SRPK2: variants seen among roughly 807,000 people sequenced by gnomAD.
SRPK2 encodes SFRS protein kinase 2.
In SRPK2, 21 loss-of-function variants were observed where a neutral mutation model predicts 90.8. That is an observed-to-expected ratio of 0.23 (90% CI 0.16 to 0.33). The LOEUF (loss-of-function observed/expected upper bound fraction) is 0.33, where lower values mean the gene tolerates loss of function less well. Among genes scored for constraint, SRPK2 ranks in the 10% least tolerant of loss-of-function variants. The pLI is 1.00. For synonymous variants in SRPK2, 288 were observed against 311.1 expected (o/e 0.93, Z 0.78); for missense variants, 620 against 869.0 (o/e 0.71, Z 3.60).
intron 2 of SRPK2, among the ~76,000 whole-genome samples, chr7:105,278,914 G>A (rs1806891653): frequency 6.6e-6 from 1 of 152,136 alleles, no homozygotes; most frequent in Non-Finnish European, 1.5e-5. Context: ...GTATGGAAAT[G>A]CACACCAAAA....
intron 7 of SRPK2, among the ~76,000 whole-genome samples, chr7:105,159,466 A>AACAAAAAAC (rs1554428677): frequency 2.6e-5 from 3 of 114,230 alleles, no homozygotes; most frequent in Non-Finnish European, 5.5e-5. Flanking sequence ...AAAAAAAAAA[A>AACAAAAAAC]AAAAAAACCG....
intron 2 of SRPK2, among the ~76,000 whole-genome samples, chr7:105,367,756 T>C (rs1032635045): frequency 6.6e-6 from 1 of 152,194 alleles, no homozygotes; most frequent in African/African-American, 2.4e-5. Context: ...TACACACACA[T>C]TTTGTGTACA....
chr7:105,370,265 TAC>T (rs1341929463), intron 2 of SRPK2, among the ~76,000 whole-genome samples: 2 of 152,202 alleles, frequency 1.3e-5, no homozygotes, highest in East Asian at 1.9e-4. Context: ...ATTCCTAGCT[TAC>T]AGTCTTTCCT....
At chr7:105,199,797 T>C (rs984470008) in intron 3 of SRPK2, among the ~76,000 whole-genome samples, 4 of 152,018 alleles carry the variant, frequency 2.6e-5, no homozygotes, top group African/African-American at 9.7e-5. Flanking sequence ...TGCATATGTT[T>C]GTGTTCCTAG....
chr7:105,236,200 G>A (rs896788312), intron 2 of SRPK2, among the ~76,000 whole-genome samples: 3 of 152,314 alleles, frequency 2.0e-5, no homozygotes, highest in African/African-American at 7.2e-5. Flanking sequence ...GCTAGACGCT[G>A]TTCATCATAC....
intron 2 of SRPK2, among the ~76,000 whole-genome samples, chr7:105,220,286 C>T (rs185166801): frequency 2.0e-3 from 309 of 152,090 alleles, no homozygotes; most frequent in Non-Finnish European, 3.4e-3. Flanking sequence ...CACCTGTAAC[C>T]GGGAGGCGGA....
At chr7:105,236,279 A>G (rs369996327) in intron 2 of SRPK2, among the ~76,000 whole-genome samples, 1 of 152,352 alleles carries the variant, frequency 6.6e-6, no homozygotes, top group South Asian at 2.1e-4. Context: ...GGTTTTTAAA[A>G]TATCACTGAC....
At chr7:105,151,740 G>T (rs2129579033) in intron 7 of SRPK2, among the ~76,000 whole-genome samples, 1 of 152,086 alleles carries the variant, frequency 6.6e-6, no homozygotes, top group East Asian at 1.9e-4. Context: ...AGTTCTCTGG[G>T]TTGGCTGGCA....
intron 13 of SRPK2, among the ~76,000 whole-genome samples, chr7:105,127,990 T>C (rs1801446057): frequency 6.6e-6 from 1 of 152,030 alleles, no homozygotes; most frequent in Admixed American, 6.5e-5. Flanking sequence ...AAGGAGCCAA[T>C]ACTGGGGAAA....
intron 3 of SRPK2, among the ~76,000 whole-genome samples, chr7:105,188,281 G>T (rs1310649644): frequency 1.1e-4 from 16 of 152,176 alleles, no homozygotes; most frequent in Admixed American, 1.0e-3. Flanking sequence ...ATATGAAAAT[G>T]TCCAGAATAG....
At chr7:105,381,786 G>A (rs1820980193) in intron 2 of SRPK2, among the ~76,000 whole-genome samples, 1 of 152,154 alleles carries the variant, frequency 6.6e-6, no homozygotes, top group East Asian at 1.9e-4. Context: ...ATGGGCTTAT[G>A]AGCTTGAATT....
At chr7:105,190,711 A>AT (rs1261474722) in intron 3 of SRPK2, among the ~76,000 whole-genome samples, 9 of 152,274 alleles carry the variant, frequency 5.9e-5, no homozygotes, top group Admixed American at 5.9e-4. Context: ...ATGCCCTTGG[A>AT]AGGCTCCAAG....
chr7:105,255,890 C>T (rs566661110), intron 2 of SRPK2, among the ~76,000 whole-genome samples: 3 of 150,926 alleles, frequency 2.0e-5, no homozygotes, highest in African/African-American at 7.3e-5. Flanking sequence ...CAAGATTGCA[C>T]TCCAGCCTGG....
intron 3 of SRPK2, among the ~76,000 whole-genome samples, chr7:105,169,927 C>T (rs1414000754): frequency 6.6e-6 from 1 of 152,118 alleles, no homozygotes; most frequent in Non-Finnish European, 1.5e-5. Flanking sequence ...GAGGTCCTCC[C>T]ACCTCAGCCT....
intron 2 of SRPK2, among the ~76,000 whole-genome samples, chr7:105,221,578 C>T (rs1585228743): frequency 1.3e-5 from 2 of 152,204 alleles, no homozygotes; most frequent in Admixed American, 6.5e-5. Context: ...GTCAGCATCA[C>T]GGAGCATTCT....
chr7:105,385,545 G>C (rs368846980), intron 2 of SRPK2, among the ~76,000 whole-genome samples: 1 of 152,056 alleles, frequency 6.6e-6, no homozygotes, highest in Admixed American at 6.6e-5. Context: ...GGCCTACGAG[G>C]GTAGACACGC....
intron 2 of SRPK2, among the ~76,000 whole-genome samples, chr7:105,292,902 A>G (rs1809250736): frequency 6.6e-6 from 1 of 152,240 alleles, no homozygotes; most frequent in African/African-American, 2.4e-5. Flanking sequence ...CCATTGCCAT[A>G]GTACATCTGC....
chr7:105,317,380 T>C (rs1317980744), intron 2 of SRPK2, among the ~76,000 whole-genome samples: 1 of 152,268 alleles, frequency 6.6e-6, no homozygotes, highest in Non-Finnish European at 1.5e-5. Flanking sequence ...AGCGTTTTCA[T>C]ATTCTATGTG....
In SRPK2 at chr7:105,117,926, G is replaced by A; in HGVS notation, c.2012C>T (p.Thr671Ile). Reference protein sequence around the residue: ...GWPHEDAAQFTDFLIPMLEMV... With the variant: ...GWPHEDAAQFIDFLIPMLEMV... ...TTCTAACATCGGGATCAGGAAATCT[G>A]TAAACTGTGCAGCATCTTCATGGGG... The change falls in exon 16 of 16, where the codon ACA (threonine) becomes ATA (isoleucine). Residue 671 changes from threonine (T) to isoleucine (I), a missense_variant. Coordinates refer to ENST00000393651, the MANE Select transcript of SRPK2 (RefSeq NM_182692.3). 1.2e-6 allele frequency: 2 copies of A among 1,614,184 alleles called. No homozygotes were observed. Among genetic ancestry groups the A allele is most frequent in the Non-Finnish European group, 1.7e-6 (2 of 1,180,028 alleles).
Sources: allele counts gnomAD v4.1 joint callset (sites outside exome capture counted in the v4.1 genomes callset), GRCh38; gene constraint gnomAD v4.1.1; transcripts MANE v1.5; gene names NCBI Gene and HGNC (gene_info 2026-07-23, HGNC 2026-07-21).